Variants in TANC2 observed in about 807,000 individuals in gnomAD.
The protein encoded by TANC2 is tetratricopeptide repeat, ankyrin repeat and coiled-coil containing 2.
In TANC2, 26 loss-of-function variants were observed where a neutral mutation model predicts 210.5. The observed-to-expected ratio is 0.12, with a 90% CI of 0.09 to 0.17. The LOEUF is 0.17. Ranked by LOEUF, TANC2 falls within the 10% of genes least tolerant of loss-of-function variation. TANC2 has a pLI of 1.00. For synonymous variants in TANC2, 931 were observed against 967.1 expected (o/e 0.96, Z 0.69); for missense variants, 2,129 against 2,608.9 (o/e 0.82, Z 4.01).
intron 2 of TANC2, among the ~76,000 whole-genome samples, chr17:63,055,977 AAAAAAAAAAAAAAATATATATATATAT>A (rs1387018640): frequency 3.5e-5 from 1 of 28,370 alleles, no homozygotes; most frequent in African/African-American, 1.1e-4. Flanking sequence ...AAAAAAAAAA[AAAAAAAAAAAAAAATATATATATATAT>A]ATATATATAT....
intron 5 of TANC2, among the ~76,000 whole-genome samples, chr17:63,180,315 A>C (rs2040737422): frequency 6.6e-6 from 1 of 152,192 alleles, no homozygotes; most frequent in African/African-American, 2.4e-5. Flanking sequence ...TATGAATTTG[A>C]GAAAGACTAA....
At chr17:63,225,543 A>G (rs1340765819) in intron 7 of TANC2, among the ~76,000 whole-genome samples, 1 of 152,176 alleles carries the variant, frequency 6.6e-6, no homozygotes, top group African/African-American at 2.4e-5. Context: ...GACACTTCAA[A>G]TTCTACATAT....
intron 7 of TANC2, among the ~76,000 whole-genome samples, chr17:63,208,480 G>A (rs755901792): frequency 7.3e-4 from 111 of 152,062 alleles, no homozygotes; most frequent in Non-Finnish European, 1.4e-3. Context: ...ATCATCTTGA[G>A]GATTCTCGGC....
At chr17:63,025,685 A>G (rs1031250245) in intron 2 of TANC2, among the ~76,000 whole-genome samples, 5 of 151,942 alleles carry the variant, frequency 3.3e-5, no homozygotes, top group African/African-American at 7.3e-5. Context: ...AATCCCAGCT[A>G]CTTGGGAGGC....
chr17:63,309,371 T>A (rs992055395), intron 9 of TANC2, among the ~76,000 whole-genome samples: 11 of 152,182 alleles, frequency 7.2e-5, no homozygotes, highest in African/African-American at 2.7e-4. Context: ...TTGAATATGA[T>A]TACATGCCAA....
At chr17:63,286,816 T>C (rs1461699883) in intron 9 of TANC2, among the ~76,000 whole-genome samples, 1 of 152,330 alleles carries the variant, frequency 6.6e-6, no homozygotes, top group East Asian at 1.9e-4. Flanking sequence ...TTGTATAGTT[T>C]CTATTCCTTT....
At chr17:63,361,746 T>C (rs2046964148) in intron 14 of TANC2, among the ~76,000 whole-genome samples, 1 of 152,220 alleles carries the variant, frequency 6.6e-6, no homozygotes, top group Non-Finnish European at 1.5e-5. Context: ...ATTCAGCAGG[T>C]CCTGAGGTCT....
chr17:63,177,264 CAAAAAAAAA>C (rs755034454), intron 5 of TANC2, among the ~76,000 whole-genome samples: 1 of 73,272 alleles, frequency 1.4e-5, no homozygotes, highest in Non-Finnish European at 2.7e-5. Flanking sequence ...GACTCTGTCT[CAAAAAAAAA>C]AAAAAAAAAA....
At chr17:63,052,668 G>A (rs2035623789) in intron 2 of TANC2, among the ~76,000 whole-genome samples, 1 of 152,132 alleles carries the variant, frequency 6.6e-6, no homozygotes, top group Non-Finnish European at 1.5e-5. Flanking sequence ...TTATAAGATA[G>A]CAGCCAGCAT....
intron 12 of TANC2, among the ~76,000 whole-genome samples, chr17:63,348,550 A>G (rs2046490466): frequency 6.6e-6 from 1 of 152,226 alleles, no homozygotes; most frequent in Non-Finnish European, 1.5e-5. Context: ...GTATGGATGT[A>G]GATATAATGT....
chr17:63,090,719 A>G (rs2037154534), intron 3 of TANC2, among the ~76,000 whole-genome samples: 1 of 152,208 alleles, frequency 6.6e-6, no homozygotes, highest in Non-Finnish European at 1.5e-5. Flanking sequence ...TTGGGTATAT[A>G]GCCAGTAATG....
intron 2 of TANC2, among the ~76,000 whole-genome samples, chr17:63,026,521 G>T (rs907463987): frequency 2.0e-5 from 3 of 152,112 alleles, no homozygotes; most frequent in Non-Finnish European, 4.4e-5. Context: ...GACTATATAA[G>T]ATTTGTTTAC....
intron 4 of TANC2, among the ~76,000 whole-genome samples, chr17:63,143,309 T>C (rs909537703): frequency 1.3e-5 from 2 of 152,212 alleles, no homozygotes; most frequent in Non-Finnish European, 1.5e-5. Context: ...GATGCCTCTT[T>C]TCTTATTTAT....
intron 2 of TANC2, among the ~76,000 whole-genome samples, chr17:63,050,889 TAC>T (rs979745948): frequency 2.6e-5 from 4 of 152,224 alleles, no homozygotes; most frequent in Non-Finnish European, 5.9e-5. Context: ...TTCAAATGAG[TAC>T]AGTCTTTGCA....
intron 2 of TANC2, 139 bp downstream of exon 2, chr17:63,009,765 T>TA (rs1288083610): frequency 1.5e-6 from 1 of 688,902 alleles, no homozygotes; most frequent in African/African-American, 1.8e-5. Context: ...TGGGCTTTCA[T>TA]ACGCTTTATT....
At chr17:63,288,742 A>C (rs1383210161) in intron 9 of TANC2, among the ~76,000 whole-genome samples, 2 of 152,224 alleles carry the variant, frequency 1.3e-5, no homozygotes, top group African/African-American at 4.8e-5. Context: ...CAGAATAAAA[A>C]AAAAATAAAA....
chr17:63,101,248 G>A (rs1449362222), intron 4 of TANC2, among the ~76,000 whole-genome samples: 1 of 152,134 alleles, frequency 6.6e-6, no homozygotes, highest in Non-Finnish European at 1.5e-5. Context: ...TAAAAGGAAA[G>A]TTGAATGGAA....
intron 10 of TANC2, among the ~76,000 whole-genome samples, chr17:63,318,682 TTTC>T (rs778428029): frequency 3.5e-4 from 53 of 152,356 alleles, no homozygotes; most frequent in Admixed American, 9.8e-4. Flanking sequence ...CGGTATCTCA[TTTC>T]TTTTTATTGT....
intron 8 of TANC2, among the ~76,000 whole-genome samples, chr17:63,250,995 C>T (rs992984403): frequency 5.3e-5 from 8 of 152,038 alleles, no homozygotes; most frequent in Non-Finnish European, 7.4e-5. Flanking sequence ...GGAGGAGGAT[C>T]GTGCCAAACG....
Sources: gnomAD v4.1 joint callset for allele counts (sites outside exome capture counted in the v4.1 genomes callset) on GRCh38, gnomAD v4.1.1 for gene constraint, MANE v1.5 for transcripts, NCBI Gene and HGNC (gene_info 2026-07-23, HGNC 2026-07-21) for gene names.